TMBIM4: variants seen among roughly 807,000 people sequenced by gnomAD.
The protein encoded by TMBIM4 is protein lifeguard 4.
A neutral mutation model predicts 27.7 loss-of-function variants in TMBIM4; 28 were observed. That is an observed-to-expected ratio of 1.01 (90% confidence interval 0.75 to 1.38). The LOEUF (loss-of-function observed/expected upper bound fraction) is 1.38. Among genes scored for constraint, TMBIM4 ranks in the 40% most tolerant of loss-of-function variants. The pLI, the probability that TMBIM4 is intolerant of heterozygous loss-of-function variation, is 0.00. For synonymous variants in TMBIM4, 115 were observed against 113.1 expected (o/e 1.02, Z -0.11); for missense variants, 265 against 277.5 (o/e 0.95, Z 0.32).
rs1166179950 is a variant in TMBIM4 at position 66,147,872 on chromosome 12, GTTA to G, written c.346+33_346+35del. The G allele has an allele frequency of 1.9e-6, 3 of 1,582,554 alleles. No individual in the cohort carries two copies. In the South Asian group the frequency reaches 3.4e-5, roughly 18 times the overall value. On this transcript the variant is annotated intron_variant, in intron 4 of 6. Coordinates refer to ENST00000358230, the MANE Select transcript of TMBIM4 (RefSeq NM_016056.4). ...CTGAAAGATCTATCTACATTAAAAAGTTATTATAACATATAGAAATGCAGTTAC... is the reference window on the plus strand; with the variant it reads ...CTGAAAGATCTATCTACATTAAAAAGTTATAACATATAGAAATGCAGTTAC...
chr12:66,152,032 G>C (rs2051852939), intron 3 of TMBIM4, among the ~76,000 whole-genome samples: 1 of 152,094 alleles, frequency 6.6e-6, no homozygotes, highest in Non-Finnish European at 1.5e-5. Context: ...CACATAATCA[G>C]ATAGCAGCAA....
At chr12:66,154,501 A>G (rs543331573) in intron 1 of TMBIM4, among the ~76,000 whole-genome samples, 3 of 152,362 alleles carry the variant, frequency 2.0e-5, no homozygotes, top group South Asian at 4.1e-4. Flanking sequence ...AAATTTTACT[A>G]GTCAGGGAAG....
chr12:66,149,848 G>C (rs753301962), intron 3 of TMBIM4, among the ~76,000 whole-genome samples: 7 of 150,150 alleles, frequency 4.7e-5, no homozygotes, highest in Non-Finnish European at 1.0e-4. Context: ...CTAAGTTGAG[G>C]ACTATCTATC....
intron 1 of TMBIM4, chr12:66,169,546 G>T: frequency 4.2e-6 from 2 of 479,538 alleles, no homozygotes; most frequent in South Asian, 7.1e-5. Flanking sequence ...AATTCAGGCT[G>T]CGGCGGTTTC....
intron 1 of TMBIM4, among the ~76,000 whole-genome samples, chr12:66,164,354 G>T (rs113561300): frequency 0.045 from 6,888 of 152,184 alleles, 382 homozygotes; most frequent in African/African-American, 0.13. Flanking sequence ...TGGATCTACG[G>T]GCCATAAATC....
intron 1 of TMBIM4, among the ~76,000 whole-genome samples, chr12:66,155,360 G>GAGAGAGAGAGA (rs59460611): frequency 8.7e-5 from 13 of 150,126 alleles, no homozygotes; most frequent in South Asian, 2.1e-4. Flanking sequence ...GAGAGAGAGA[G>GAGAGAGAGAGA]GCAGGGTCTC....
intron 4 of TMBIM4, among the ~76,000 whole-genome samples, chr12:66,147,026 G>T (rs1267263908): frequency 6.6e-6 from 1 of 152,058 alleles, no homozygotes; most frequent in East Asian, 1.9e-4. Flanking sequence ...GGCTGGAGAA[G>T]GGAGAGATGG....
intron 5 of TMBIM4, among the ~76,000 whole-genome samples, chr12:66,142,436 GCA>G (rs1237703593): frequency 6.7e-6 from 1 of 149,400 alleles, no homozygotes; most frequent in African/African-American, 2.5e-5. Flanking sequence ...AGTTAGCCTG[GCA>G]CAGTTTCATG....
intron 1 of TMBIM4, among the ~76,000 whole-genome samples, chr12:66,157,835 G>A (rs1187162081): frequency 6.6e-6 from 1 of 152,166 alleles, no homozygotes; most frequent in African/African-American, 2.4e-5. Context: ...AATGAAGTAG[G>A]TGAACAAACT....
chr12:66,147,064 T>C (rs982762835), intron 4 of TMBIM4, among the ~76,000 whole-genome samples: 1 of 152,106 alleles, frequency 6.6e-6, no homozygotes, highest in Non-Finnish European at 1.5e-5. Flanking sequence ...GTAAGTAACA[T>C]TAATAATAAG....
chr12:66,169,618 C>T (rs1032688815), intron 1 of TMBIM4: 8 of 462,180 alleles, frequency 1.7e-5, no homozygotes, highest in Admixed American at 4.3e-5. Context: ...AGGACAGCCG[C>T]AAGCCTTCTG....
At chr12:66,149,211 C>T (rs2051801635) in intron 3 of TMBIM4, among the ~76,000 whole-genome samples, 1 of 152,036 alleles carries the variant, frequency 6.6e-6, no homozygotes, top group East Asian at 1.9e-4. Flanking sequence ...GAGGCCGAGG[C>T]AGGTGGATTG....
intron 1 of TMBIM4, among the ~76,000 whole-genome samples, chr12:66,163,732 T>C (rs2052080566): frequency 6.6e-6 from 1 of 152,110 alleles, no homozygotes; most frequent in Admixed American, 6.6e-5. Flanking sequence ...TCTGAGAATG[T>C]CTTATTGGTT....
chr12:66,166,070 A>T (rs972927861), intron 1 of TMBIM4, among the ~76,000 whole-genome samples: 3 of 152,102 alleles, frequency 2.0e-5, no homozygotes, highest in African/African-American at 7.2e-5. Flanking sequence ...ATCTTTTTTG[A>T]GGTAATTTTT....
At chr12:66,143,519 C>T (rs1402869243) in intron 5 of TMBIM4, among the ~76,000 whole-genome samples, 1 of 152,142 alleles carries the variant, frequency 6.6e-6, no homozygotes, top group Non-Finnish European at 1.5e-5. Flanking sequence ...TGCAAGATGC[C>T]TCATAAGCTG....
intron 3 of TMBIM4, 39 bp downstream of exon 3, chr12:66,152,232 A>G: frequency 7.8e-7 from 1 of 1,283,480 alleles, no homozygotes; most frequent in Non-Finnish European, 1.1e-6. Context: ...AAAACTCAGG[A>G]ATAATTGTTA....
In TMBIM4 at chr12:66,163,306, T is replaced by C. The variant is rs559877464; in HGVS notation, c.97+6549A>G. Among the ~76,000 whole-genome samples, 25 of 152,318 alleles carry C rather than the reference T, an allele frequency of 1.6e-4. No individual in the cohort carries two copies. The South Asian group carries it at 5.2e-3, about 32-fold the overall frequency. ...CAGTACTAGTTCTTAATTACTCTAA[T>C]ATATCACATCGTCACTGTTCATTTT... On this transcript the variant is annotated intron_variant, in intron 1 of 6. Transcript: ENST00000358230.
At chr12:66,139,813 C>G (rs1448657444) in intron 5 of TMBIM4, 4 of 454,728 alleles carry the variant, frequency 8.8e-6, no homozygotes, top group Non-Finnish European at 8.8e-6. Context: ...GCAGAACAAT[C>G]CTCAGAGTTC....
In TMBIM4 at chr12:66,153,374, A is replaced by G. The variant is rs2051882208; in HGVS notation, c.172T>C (p.Tyr58His). The G allele has an allele frequency of 1.9e-6, 3 of 1,598,558 alleles. No individual in the cohort carries two copies. The highest frequency in any genetic ancestry group is 4.5e-5 in the East Asian group (2 of 44,396). Reference protein sequence around the residue: ...LTTVTSTVFLYFESVRTFVHE... With the variant: ...LTTVTSTVFLHFESVRTFVHE... ...ACAAATGTCCGTACAGACTCAAAGT[A>G]TAAAAAAACTGTTGAAGTCACTGTA... Residue 58 changes from tyrosine to histidine, a missense_variant, in exon 2 of 7, where the codon TAC becomes CAC. Transcript: ENST00000358230.
Sources: allele counts gnomAD v4.1 joint callset (sites outside exome capture counted in the v4.1 genomes callset), GRCh38; gene constraint gnomAD v4.1.1; transcripts MANE v1.5; gene names NCBI Gene and HGNC (gene_info 2026-07-23, HGNC 2026-07-21).